Variants in RNF213 observed in about 807,000 individuals in gnomAD.
The protein encoded by RNF213 is ring finger protein 213.
RNF213 carries 341 observed loss-of-function variants against 514.4 expected under a neutral mutation model. That is an observed-to-expected ratio of 0.66 (90% CI 0.61 to 0.73). The LOEUF is 0.73. RNF213 is among the 30% of genes least tolerant of loss of function. The pLI is 0.00. For missense variants in RNF213, 5,767 were observed against 6,615.6 expected (o/e 0.87, Z 4.45); for synonymous variants, 2,655 against 2,658.2 (o/e 1.00, Z 0.04).
rs757337960 is a variant in RNF213, at chr17:80,385,036, C to T, written c.14323-3C>T. The T allele has an allele frequency of 6.2e-7, 1 of 1,614,052 alleles. No homozygotes were observed. Among genetic ancestry groups the T allele is most frequent in the Non-Finnish European group, 8.5e-7 (1 of 1,180,038 alleles). ...TGTTACTGGGTGGTCTTCCCTTCTC[C>T]AGGAAGCAGAGCTGAGGCTGGTAAA... On this transcript the variant is annotated splice_polypyrimidine_tract_variant and splice_region_variant and intron_variant, in intron 59 of 67. Coordinates refer to ENST00000582970, the MANE Select transcript of RNF213 (RefSeq NM_001256071.3).
chr17:80,373,810 GC>G (rs2079623235), intron 49 of RNF213, among the ~76,000 whole-genome samples: 1 of 151,952 alleles, frequency 6.6e-6, no homozygotes, highest in Non-Finnish European at 1.5e-5. Context: ...GACCAGCCTG[GC>G]CAACATGGTG....
At chr17:80,363,888 T>A in intron 41 of RNF213, 98 bp downstream of exon 41, 4 of 1,185,038 alleles carry the variant, frequency 3.4e-6, no homozygotes, top group Non-Finnish European at 4.9e-6. Context: ...GGGCAGGTGC[T>A]CCTGCCATGG....
chr17:80,358,770 G>A (rs557079974), intron 37 of RNF213, among the ~76,000 whole-genome samples: 6 of 152,266 alleles, frequency 3.9e-5, no homozygotes, highest in African/African-American at 1.2e-4. Flanking sequence ...TTAGCTGGGC[G>A]TGGTGGCGCG....
At chr17:80,342,550 C>CTT (rs2078183734) in intron 26 of RNF213, among the ~76,000 whole-genome samples, 1 of 149,792 alleles carries the variant, frequency 6.7e-6, no homozygotes, top group African/African-American at 2.5e-5. Context: ...CTCTCTCTCT[C>CTT]TCTCTATTTT....
In RNF213 at chr17:80,354,583, T is replaced by C. The variant is rs778746179; in HGVS notation, c.10862+7T>C. On this transcript the variant is annotated splice_region_variant and intron_variant, in intron 36 of 67. Coordinates refer to ENST00000582970, the MANE Select transcript of RNF213 (RefSeq NM_001256071.3). Reference sequence around the variant, plus strand: ...AGGAGGCGGGCACATTCAGGTACTGTGACTAAAGGAAGCAAGGAGTGGCTC... The same window carrying C: ...AGGAGGCGGGCACATTCAGGTACTGCGACTAAAGGAAGCAAGGAGTGGCTC... 6 of 1,614,080 alleles carry C rather than the reference T, an allele frequency of 3.7e-6. No homozygotes were observed. The Admixed American group carries it at 1.0e-4, about 27-fold the overall frequency.
At chr17:80,271,619 A>C (rs565891133) in intron 2 of RNF213, among the ~76,000 whole-genome samples, 2 of 152,344 alleles carry the variant, frequency 1.3e-5, no homozygotes, top group South Asian at 4.1e-4. Context: ...GATTGAAAAC[A>C]GGGACTCCTT....
intron 6 of RNF213, among the ~76,000 whole-genome samples, chr17:80,290,338 CGT>C (rs1190145552): frequency 2.7e-5 from 4 of 150,582 alleles, no homozygotes; most frequent in South Asian, 2.1e-4. Context: ...TGTGTGCGCA[CGT>C]GTGTGCGTGT....
rs770859564 is a variant in RNF213 at position 80,393,538 on chromosome 17, A to G, written c.*40A>G. The G allele has an allele frequency of 1.3e-5, 21 of 1,601,858 alleles. No individual in the cohort carries two copies. The highest frequency in any genetic ancestry group is 6.0e-6 in the Non-Finnish European group (7 of 1,170,162). On this transcript the variant is annotated 3_prime_UTR_variant, in exon 68 of 68. Coordinates refer to ENST00000582970, the MANE Select transcript of RNF213 (RefSeq NM_001256071.3). ...CTATCTTTGGATGACTTTGGAGAGAAGACTCCTCTCTCCTCGTCTGCGGCG... is the reference window on the plus strand; with the variant it reads ...CTATCTTTGGATGACTTTGGAGAGAGGACTCCTCTCTCCTCGTCTGCGGCG...
In RNF213 at chr17:80,354,423, G is replaced by A; in HGVS notation, c.10727-18G>A. On this transcript the variant is annotated intron_variant, in intron 35 of 67. Coordinates refer to ENST00000582970, the MANE Select transcript of RNF213 (RefSeq NM_001256071.3). Reference sequence around the variant, plus strand: ...TCAGCCACGGCCATGCTGAACGTCTGTTTCTGCCTTTGTACAGCCTCTTTC... The same window carrying A: ...TCAGCCACGGCCATGCTGAACGTCTATTTCTGCCTTTGTACAGCCTCTTTC... The A allele has an allele frequency of 1.9e-6, 3 of 1,614,206 alleles. No homozygotes were observed. The highest frequency in any genetic ancestry group is 2.5e-6 in the Non-Finnish European group (3 of 1,180,048).
chr17:80,390,140 C>T lies in RNF213; in HGVS notation c.15414C>T (p.Ile5138=), dbSNP rs771430826. The stretch of plus-strand genomic sequence containing the variant: ...TGCTAGAGCTGCACGAAATGATAAT[C>T]TTGAAACTAAAGAACCCCCAAACCC... ...AFLLELHEMI[I]LKLKNPQTQT... Residue 5138 remains isoleucine, a synonymous_variant, in exon 67 of 68, where the codon ATC becomes ATT. Transcript: ENST00000582970. 1 of 1,614,224 alleles carries T rather than the reference C, an allele frequency of 6.2e-7. No individual in the cohort carries two copies. The highest frequency in any genetic ancestry group is 8.5e-7 in the Non-Finnish European group (1 of 1,180,054).
chr17:80,263,852 A>T lies in RNF213; in HGVS notation c.97+74A>T. ...AGATGTCTCACCTCCCTTCCAGGAAATGGAAACCCTGGGCAGCAGGCAGCT... is the reference window on the plus strand; with the variant it reads ...AGATGTCTCACCTCCCTTCCAGGAATTGGAAACCCTGGGCAGCAGGCAGCT... On this transcript the variant is annotated intron_variant, in intron 2 of 67. Coordinates refer to ENST00000582970, the MANE Select transcript of RNF213 (RefSeq NM_001256071.3). This position sits in a 1 kb window ranked among gnomAD's most constrained non-coding sequence, Gnocchi z 4.9. The T allele has an allele frequency of 7.6e-7, 1 of 1,317,594 alleles. No individual in the cohort carries two copies. Among genetic ancestry groups the T allele is most frequent in the South Asian group, 1.2e-5 (1 of 84,498 alleles). The allele number at this position is 1,317,594 out of a possible 1,614,324, so 81.6% of individuals were successfully genotyped here.
intron 30 of RNF213, 69 bp from the exon 31 acceptor site, chr17:80,350,232 T>C: frequency 1.0e-6 from 1 of 993,466 alleles, no homozygotes; most frequent in Non-Finnish European, 1.6e-6. Flanking sequence ...TTCCCATCAC[T>C]TTGGGGAATT....
chr17:80,331,778 T>C (rs778465037), intron 20 of RNF213, among the ~76,000 whole-genome samples: 50 of 152,236 alleles, frequency 3.3e-4, no homozygotes, highest in Non-Finnish European at 3.2e-4. Context: ...GTTTTCCCAC[T>C]GCCATCTTTA....
rs1380518590 is a variant in RNF213 at position 80,325,087 on chromosome 17, G to T, written c.3082G>T (p.Val1028Phe). 3 of 1,536,990 alleles carry T rather than the reference G, an allele frequency of 2.0e-6. No individual in the cohort carries two copies. The highest frequency in any genetic ancestry group is 2.7e-5 in the African/African-American group (2 of 72,988). ...CTCTGATTTGCGGAAATTTGGCATC[G>T]TCTTGTCTGCTGTGATCACTAAGTC... ...SYSDLRKFGI[V>F]LSAVITKSWP... Residue 1028 changes from valine (V) to phenylalanine (F), a missense_variant, in exon 18 of 68, where the codon GTC becomes TTC. This residue lies in a region of RNF213 where 516 missense variants were observed against 566.5 expected (regional missense o/e 0.91). Transcript: ENST00000582970.
chr17:80,320,711 C>T (rs550770177), intron 17 of RNF213: 7 of 152,170 alleles, frequency 4.6e-5, no homozygotes, highest in East Asian at 3.9e-4. Flanking sequence ...TTTGAAAGAC[C>T]GCTCAGGCTG....
chr17:80,332,409 C>T lies in RNF213; in HGVS notation c.3921C>T (p.Phe1307=), dbSNP rs1277406002. 3 of 1,537,056 alleles carry T rather than the reference C, an allele frequency of 2.0e-6. No homozygotes were observed. Among genetic ancestry groups the T allele is most frequent in the Non-Finnish European group, 2.6e-6 (3 of 1,146,916 alleles). The part of the protein sequence containing the change: ...EVTLAEIDVI[F]KDFVNKYTDL... Reference sequence around the variant, plus strand: ...CCCTTGCAGAGATTGATGTCATCTTCAAGGACTTTGTGAATAAATACACGG... The same window carrying T: ...CCCTTGCAGAGATTGATGTCATCTTTAAGGACTTTGTGAATAAATACACGG... Residue 1307 remains phenylalanine (F), a synonymous_variant, in exon 21 of 68, where the codon TTC becomes TTT. Transcript: ENST00000582970.
At position 80,369,834 on chromosome 17, in the gene RNF213, G is replaced by C. The variant is rs200865029; in HGVS notation, c.12392G>C (p.Arg4131Pro). Residue 4131 changes from arginine to proline, a missense_variant, in exon 46 of 68, where the codon CGC (arginine) becomes CCC (proline). Physicochemically the swap from Arg to Pro is moderately radical, Grantham distance 103. Around this residue, in one of 13 missense-constraint regions of RNF213, gnomAD observed 12 missense variants for 34.6 expected, o/e 0.35. Transcript: ENST00000582970. ...GTTGTGGATAAGACTCCTGTCATCC[G>C]CTCAGTGATACTGAAACTGCTTTTG... Reference protein sequence around the residue: ...NDVVDKTPVIRSVILKLLLKY... With the variant: ...NDVVDKTPVIPSVILKLLLKY... The C allele has an allele frequency of 6.2e-7, 1 of 1,612,590 alleles. No individual in the cohort carries two copies. Among genetic ancestry groups the C allele is most frequent in the South Asian group, 1.1e-5 (1 of 91,056 alleles).
chr17:80,374,624 G>A, intron 50 of RNF213, 35 bp downstream of exon 50: 2 of 1,612,780 alleles, frequency 1.2e-6, no homozygotes, highest in South Asian at 1.1e-5. Context: ...CTGATACCAG[G>A]TGGCATCCCT....
At chr17:80,292,842 G>C (rs1280832681) in intron 8 of RNF213, among the ~76,000 whole-genome samples, 2 of 151,974 alleles carry the variant, frequency 1.3e-5, no homozygotes, top group Non-Finnish European at 2.9e-5. Context: ...AGTGAGCTGG[G>C]GTCAACTGGT....
Sources: allele counts gnomAD v4.1 joint callset (sites outside exome capture counted in the v4.1 genomes callset), GRCh38; gene constraint gnomAD v4.1.1; regional missense constraint gnomAD v4.1.1; non-coding constraint Gnocchi (gnomAD v3.1); transcripts MANE v1.5; gene names NCBI Gene and HGNC (gene_info 2026-07-23, HGNC 2026-07-21).